Variants in DSCAM observed in about 807,000 individuals in gnomAD.
DSCAM encodes DS cell adhesion molecule.
DSCAM carries 47 observed loss-of-function variants against 217.7 expected under a neutral mutation model. That is an observed-to-expected ratio of 0.22 (90% CI 0.17 to 0.28). DSCAM has a LOEUF of 0.28. DSCAM is among the 10% of genes least tolerant of loss of function. DSCAM has a pLI of 1.00. For missense variants in DSCAM, 2,080 were observed against 2,618.3 expected (o/e 0.79, Z 4.49); for synonymous variants, 1,056 against 1,015.3 (o/e 1.04, Z -0.76).
chr21:40,256,757 T>A (rs1032588111), intron 11 of DSCAM, among the ~76,000 whole-genome samples: 6 of 152,236 alleles, frequency 3.9e-5, no homozygotes, highest in African/African-American at 1.4e-4. Flanking sequence ...ACATCTAGGC[T>A]GGCTTTTGAC....
Position 40,080,314 on chromosome 21 carries a change from T to C in DSCAM, c.4258A>G (p.Asn1420Asp). 6.2e-7 allele frequency: 1 copy of C among 1,612,766 alleles called. No homozygotes were observed. ...RGYILQYSED[N>D]SEQWGSFPIS... ...GGAAAACTCCCCCACTGCTCACTAT[T>C]GTCCTCGGAGTACTGCAGTATGTAT... The change falls in exon 25 of 33, where the codon AAT becomes GAT. Residue 1420 changes from asparagine (N) to aspartate (D), a missense_variant. By Grantham distance (23) the Asn-to-Asp change is conservative (BLOSUM62 1). Coordinates refer to ENST00000400454, the MANE Select transcript of DSCAM (RefSeq NM_001389.5).
At chr21:40,186,708 A>G (rs774721222) in intron 14 of DSCAM, among the ~76,000 whole-genome samples, 1 of 152,202 alleles carries the variant, frequency 6.6e-6, no homozygotes, top group Non-Finnish European at 1.5e-5. Context: ...ACCAACACCA[A>G]GCACAGCTTG....
intron 1 of DSCAM, among the ~76,000 whole-genome samples, chr21:40,780,423 GTATATATATA>G (rs71186965): frequency 1.8e-5 from 1 of 56,418 alleles, no homozygotes; most frequent in African/African-American, 7.7e-5. Context: ...GTGTGTGTGT[GTATATATATA>G]TATATATATA....
chr21:40,420,170 A>G (rs2075409591), intron 3 of DSCAM, among the ~76,000 whole-genome samples: 1 of 152,210 alleles, frequency 6.6e-6, no homozygotes, highest in Non-Finnish European at 1.5e-5. Context: ...GATAATCACA[A>G]TGTAACACTG....
intron 32 of DSCAM, among the ~76,000 whole-genome samples, chr21:40,039,380 C>T (rs995668166): frequency 2.5e-5 from 2 of 78,884 alleles, no homozygotes; most frequent in African/African-American, 1.0e-4. Flanking sequence ...TTTAAATGTC[C>T]TTTTGTATTT....
intron 3 of DSCAM, among the ~76,000 whole-genome samples, chr21:40,431,361 G>A (rs538030459): frequency 4.7e-5 from 7 of 149,644 alleles, no homozygotes; most frequent in Non-Finnish European, 1.1e-4. Flanking sequence ...TGACACCTCA[G>A]CCTACTCAAT....
At chr21:40,334,907 G>A (rs997018099) in intron 8 of DSCAM, among the ~76,000 whole-genome samples, 15 of 151,734 alleles carry the variant, frequency 9.9e-5, no homozygotes, top group East Asian at 3.9e-4. Flanking sequence ...AAAACCCCAC[G>A]TCCTGAAAAC....
intron 14 of DSCAM, among the ~76,000 whole-genome samples, chr21:40,183,070 AGG>A (rs1320620932): frequency 1.1e-4 from 1 of 9,320 alleles, no homozygotes; most frequent in Admixed American, 1.1e-3. Context: ...CGTGGACAGG[AGG>A]GGGCTACCAG....
chr21:40,655,460 T>TTTTC (rs3988414), intron 3 of DSCAM, among the ~76,000 whole-genome samples: 1 of 150,160 alleles, frequency 6.7e-6, no homozygotes, highest in African/African-American at 2.5e-5. Flanking sequence ...TTTTTTTTTT[T>TTTTC]GAGACAGGGT....
At chr21:40,679,276 A>G (rs2090374394) in intron 3 of DSCAM, among the ~76,000 whole-genome samples, 1 of 152,262 alleles carries the variant, frequency 6.6e-6, no homozygotes, top group Non-Finnish European at 1.5e-5. Context: ...ATAAACATGT[A>G]TTAAGCTTCT....
At chr21:40,166,709 G>A (rs1045502281) in intron 16 of DSCAM, among the ~76,000 whole-genome samples, 11 of 152,156 alleles carry the variant, frequency 7.2e-5, no homozygotes, top group African/African-American at 2.7e-4. Flanking sequence ...GGCCACACAT[G>A]GGGTAGCACT....
intron 1 of DSCAM, among the ~76,000 whole-genome samples, chr21:40,725,870 C>T (rs540555440): frequency 6.6e-6 from 1 of 152,146 alleles, no homozygotes; most frequent in African/African-American, 2.4e-5. Flanking sequence ...AACAAGTAAA[C>T]GAGGACAATT....
chr21:40,627,628 C>T (rs1048999664), intron 3 of DSCAM, among the ~76,000 whole-genome samples: 1 of 152,172 alleles, frequency 6.6e-6, no homozygotes, highest in Non-Finnish European at 1.5e-5. Flanking sequence ...CCAGTAATAG[C>T]GATGACTTTA....
intron 3 of DSCAM, among the ~76,000 whole-genome samples, chr21:40,648,645 T>C (rs28533884): frequency 0.23 from 35,380 of 152,072 alleles, 4,489 homozygotes; most frequent in East Asian, 0.42. Context: ...TTCTACACTG[T>C]CGTGCCTTTG....
chr21:40,725,751 T>C (rs1296926100), intron 1 of DSCAM, among the ~76,000 whole-genome samples: 2 of 152,112 alleles, frequency 1.3e-5, no homozygotes, highest in Non-Finnish European at 1.5e-5. Context: ...TGCTCTCAGG[T>C]TCTGACCTAG....
chr21:40,318,864 A>G (rs920653935), intron 8 of DSCAM, among the ~76,000 whole-genome samples: 1 of 152,096 alleles, frequency 6.6e-6, no homozygotes, highest in African/African-American at 2.4e-5. Context: ...ATATGAGCTG[A>G]TATTAACTGA....
intron 10 of DSCAM, among the ~76,000 whole-genome samples, chr21:40,279,566 G>A (rs567007389): frequency 2.0e-5 from 3 of 152,314 alleles, no homozygotes; most frequent in African/African-American, 4.8e-5. Flanking sequence ...AGACAGTGTG[G>A]CAATTCCTCA....
At chr21:40,468,111 C>T (rs1432817295) in intron 3 of DSCAM, among the ~76,000 whole-genome samples, 1 of 152,182 alleles carries the variant, frequency 6.6e-6, no homozygotes, top group Non-Finnish European at 1.5e-5. Context: ...TTCCTCTGCC[C>T]ATCTGAGACA....
chr21:40,588,234 C>T (rs1184607109), intron 3 of DSCAM, among the ~76,000 whole-genome samples: 1 of 152,148 alleles, frequency 6.6e-6, no homozygotes, highest in Non-Finnish European at 1.5e-5. Flanking sequence ...ACCTACCCCT[C>T]TGATATTAGG....
Sources: allele counts gnomAD v4.1 joint callset (sites outside exome capture counted in the v4.1 genomes callset), GRCh38; gene constraint gnomAD v4.1.1; transcripts MANE v1.5; gene names NCBI Gene and HGNC (gene_info 2026-07-23, HGNC 2026-07-21).